The following TENM4 variants were observed in gnomAD, a reference collection of about 807,000 sequenced individuals.
TENM4 encodes teneurin transmembrane protein 4, also known as teneurin-4.
A neutral mutation model predicts 243.3 loss-of-function variants in TENM4; 82 were observed. The ratio of observed to expected loss-of-function variants is 0.34; its 90% CI spans 0.28 to 0.40. TENM4 has a LOEUF of 0.40. Ranked by LOEUF, TENM4 falls within the 10% of genes least tolerant of loss-of-function variation. The pLI is 1.00. For synonymous variants in TENM4, 1,412 were observed against 1,456.3 expected (o/e 0.97, Z 0.69); for missense variants, 3,138 against 3,673.3 (o/e 0.85, Z 3.77).
At chr11:78,964,000 G>T (rs1321404914) in intron 6 of TENM4, among the ~76,000 whole-genome samples, 1 of 147,722 alleles carries the variant, frequency 6.8e-6, no homozygotes, top group East Asian at 2.0e-4. Flanking sequence ...GCCTCCCAAA[G>T]TGCTAGGATT....
At chr11:78,882,650 C>T (rs959335660) in intron 9 of TENM4, among the ~76,000 whole-genome samples, 11 of 152,304 alleles carry the variant, frequency 7.2e-5, no homozygotes, top group African/African-American at 1.9e-4. Flanking sequence ...TACCACTCTA[C>T]GCAACTTGCA....
intron 12 of TENM4, among the ~76,000 whole-genome samples, chr11:78,818,715 CGTAA>C (rs1181714977): frequency 6.6e-6 from 1 of 152,076 alleles, no homozygotes; most frequent in Non-Finnish European, 1.5e-5. Context: ...AACTTTAATG[CGTAA>C]GTACTGTGGA....
chr11:78,951,035 T>A (rs1857098440), intron 6 of TENM4, among the ~76,000 whole-genome samples: 1 of 152,218 alleles, frequency 6.6e-6, no homozygotes, highest in African/African-American at 2.4e-5. Flanking sequence ...ATGTTGCTTG[T>A]CTCCTCCCAC....
intron 7 of TENM4, among the ~76,000 whole-genome samples, chr11:78,892,957 C>G (rs147468692): frequency 3.9e-5 from 6 of 152,310 alleles, no homozygotes; most frequent in African/African-American, 1.4e-4. Flanking sequence ...AAGACCCAAA[C>G]GAGGAGGGGC....
At chr11:79,334,901 C>T (rs748994916) in intron 1 of TENM4, among the ~76,000 whole-genome samples, 8 of 152,158 alleles carry the variant, frequency 5.3e-5, no homozygotes, top group Non-Finnish European at 1.0e-4. Context: ...ATGTCACCAA[C>T]TTCCCATGAT....
chr11:79,374,691 A>G (rs1392212885), intron 1 of TENM4, among the ~76,000 whole-genome samples: 1 of 152,072 alleles, frequency 6.6e-6, no homozygotes, highest in Non-Finnish European at 1.5e-5. Context: ...TAGTTTTTTC[A>G]CAGGCTCACT....
At chr11:78,837,007 A>T (rs1858132348) in intron 12 of TENM4, among the ~76,000 whole-genome samples, 1 of 152,150 alleles carries the variant, frequency 6.6e-6, no homozygotes, top group Non-Finnish European at 1.5e-5. Context: ...ACATTTGTTC[A>T]TTTTATCACT....
chr11:79,336,890 C>T (rs552702984), intron 1 of TENM4, among the ~76,000 whole-genome samples: 46 of 152,222 alleles, frequency 3.0e-4, no homozygotes, highest in African/African-American at 1.1e-3. Flanking sequence ...TGAATTGTGC[C>T]CTGCAGGATG....
intron 16 of TENM4, among the ~76,000 whole-genome samples, chr11:78,779,752 T>G (rs1042758137): frequency 3.9e-5 from 6 of 152,294 alleles, no homozygotes; most frequent in African/African-American, 1.4e-4. Context: ...CCAGCTGAAT[T>G]TCACACATGA....
At chr11:78,763,913 C>T (rs1163875838) in intron 18 of TENM4, among the ~76,000 whole-genome samples, 1 of 89,750 alleles carries the variant, frequency 1.1e-5, no homozygotes, top group Non-Finnish European at 2.0e-5. Flanking sequence ...GAGACAGGGG[C>T]TGGGCTCAGA....
chr11:78,716,279 T>C (rs1859519223), intron 25 of TENM4, among the ~76,000 whole-genome samples: 1 of 152,208 alleles, frequency 6.6e-6, no homozygotes. Flanking sequence ...GTTCAGCTTA[T>C]CTGTAATCCC....
At chr11:79,435,769 G>A (rs1313354588) in intron 1 of TENM4, among the ~76,000 whole-genome samples, 1 of 152,028 alleles carries the variant, frequency 6.6e-6, no homozygotes, top group African/African-American at 2.4e-5. Context: ...GTGTGAGCTG[G>A]CATCTTAAAT....
At chr11:78,859,469 A>G (rs1255378056) in intron 10 of TENM4, among the ~76,000 whole-genome samples, 3 of 152,264 alleles carry the variant, frequency 2.0e-5, no homozygotes, top group Non-Finnish European at 4.4e-5. Flanking sequence ...TGCTGTGCAA[A>G]TATGCAATCA....
intron 21 of TENM4, among the ~76,000 whole-genome samples, chr11:78,730,455 T>C (rs900313930): frequency 1.3e-5 from 2 of 150,954 alleles, no homozygotes; most frequent in African/African-American, 4.9e-5. Context: ...CAGAGAGAGG[T>C]TGGACTGGCT....
intron 12 of TENM4, among the ~76,000 whole-genome samples, chr11:78,828,533 G>A (rs1159307437): frequency 1.3e-5 from 2 of 152,234 alleles, no homozygotes; most frequent in African/African-American, 4.8e-5. Context: ...TCAGCAGCAC[G>A]ATGATTTGAA....
intron 2 of TENM4, among the ~76,000 whole-genome samples, chr11:79,232,611 C>A (rs774552090): frequency 1.6e-4 from 25 of 152,244 alleles, no homozygotes; most frequent in Non-Finnish European, 3.4e-4. Flanking sequence ...AATTCGCCAT[C>A]CACACACTCA....
intron 20 of TENM4, among the ~76,000 whole-genome samples, chr11:78,737,295 C>A (rs944642572): frequency 2.0e-5 from 3 of 152,190 alleles, no homozygotes; most frequent in Admixed American, 2.0e-4. Context: ...GGAACAGTGG[C>A]CTGGCCTGGC....
intron 18 of TENM4, among the ~76,000 whole-genome samples, chr11:78,761,728 G>T (rs1856435135): frequency 6.6e-6 from 1 of 152,022 alleles, no homozygotes; most frequent in Non-Finnish European, 1.5e-5. Flanking sequence ...CCATGGCAGA[G>T]AAATGCCTCC....
intron 4 of TENM4, among the ~76,000 whole-genome samples, chr11:79,144,249 A>T (rs1431600447): frequency 1.3e-5 from 2 of 152,074 alleles, no homozygotes; most frequent in African/African-American, 2.4e-5. Context: ...AAACTACATG[A>T]GACATCATTT....
Sources: allele counts gnomAD v4.1 joint callset (sites outside exome capture counted in the v4.1 genomes callset), GRCh38; gene constraint gnomAD v4.1.1; transcripts MANE v1.5; gene names NCBI Gene and HGNC (gene_info 2026-07-23, HGNC 2026-07-21).